ADARB2: variants seen among roughly 807,000 people sequenced by gnomAD.
ADARB2 encodes inactive double-stranded RNA-specific editase B2.
In ADARB2, 25 loss-of-function variants were observed where a neutral mutation model predicts 62.2. That is an observed-to-expected ratio of 0.40 (90% CI 0.29 to 0.56). The LOEUF (loss-of-function observed/expected upper bound fraction) is 0.56, where lower values mean the gene tolerates loss of function less well. ADARB2 is among the 20% of genes least tolerant of loss of function. The pLI is 0.43. For synonymous variants in ADARB2, 572 were observed against 500.8 expected, an observed-to-expected ratio of 1.14 and a Z score of -1.90; for missense variants, 1,071 against 1,077.4, an observed-to-expected ratio of 0.99 and a Z score of 0.08.
chr10:1,363,246 G>C lies in ADARB2; in HGVS notation c.859C>G (p.Arg287Gly). Residue 287 changes from arginine (R) to glycine (G), a missense_variant, in exon 3 of 10, where the codon CGC becomes GGC. Coordinates refer to ENST00000381312, the MANE Select transcript of ADARB2 (RefSeq NM_018702.4). ...RNPVVLLNRL[R>G]AGLRYVCLAE... ...AGACACACGTAGCGCAGCCCGGCGC[G>C]CAGGCGGTTCAGCAGCACCACGGGG... The C allele has an allele frequency of 7.4e-7, 1 of 1,357,936 alleles. No homozygotes were observed. Among genetic ancestry groups the C allele is most frequent in the Non-Finnish European group, 9.5e-7 (1 of 1,051,370 alleles). The allele number at this position is 1,357,936 out of a possible 1,614,324, so 84.1% of individuals were successfully genotyped here. A position where few individuals can be genotyped will look rare whatever the true frequency, so the allele number is the denominator to read the frequency against.
intron 4 of ADARB2, among the ~76,000 whole-genome samples, chr10:1,266,987 A>G (rs1438426741): frequency 2.0e-5 from 3 of 152,176 alleles, no homozygotes; most frequent in East Asian, 1.9e-4. Flanking sequence ...TAAAAGTAAA[A>G]GCAGAAAATT....
chr10:1,495,955 G>A (rs925923027), intron 1 of ADARB2, among the ~76,000 whole-genome samples: 1 of 147,406 alleles, frequency 6.8e-6, no homozygotes, highest in East Asian at 2.1e-4. Flanking sequence ...TCATTATTGT[G>A]ATCATCACCA....
intron 1 of ADARB2, among the ~76,000 whole-genome samples, chr10:1,640,194 C>A (rs780831357): frequency 6.6e-6 from 1 of 152,128 alleles, no homozygotes; most frequent in Non-Finnish European, 1.5e-5. Context: ...GAGATTGTAC[C>A]GTTGTAAAAT....
chr10:1,201,595 A>ATTCCACAGT (rs1458401471), intron 7 of ADARB2, among the ~76,000 whole-genome samples: 8 of 142,442 alleles, frequency 5.6e-5, no homozygotes, highest in South Asian at 2.3e-4. Context: ...CATTCCACAG[A>ATTCCACAGT]GTGTCTGCCT....
At chr10:1,623,444 G>C (rs957613216) in intron 1 of ADARB2, among the ~76,000 whole-genome samples, 1 of 152,194 alleles carries the variant, frequency 6.6e-6, no homozygotes, top group Middle Eastern at 3.2e-3. Context: ...GATTACACTT[G>C]AGTAAGAATA....
chr10:1,601,411 C>T (rs2132014693), intron 1 of ADARB2, among the ~76,000 whole-genome samples: 1 of 152,342 alleles, frequency 6.6e-6, no homozygotes, highest in South Asian at 2.1e-4. Flanking sequence ...AAACGGTTTC[C>T]TGTGCCCTGA....
intron 1 of ADARB2, among the ~76,000 whole-genome samples, chr10:1,538,811 C>A (rs1564322260): frequency 6.6e-6 from 1 of 152,226 alleles, no homozygotes; most frequent in Non-Finnish European, 1.5e-5. Context: ...GCCCATGCCG[C>A]CTGACCCTGG....
At chr10:1,444,312 C>T (rs117492476) in intron 1 of ADARB2, among the ~76,000 whole-genome samples, 20,373 of 72,062 alleles carry the variant, frequency 0.28, 2,034 homozygotes, top group East Asian at 0.4. Context: ...CATCCATCCA[C>T]TCATTCATCC....
intron 1 of ADARB2, among the ~76,000 whole-genome samples, chr10:1,574,148 A>T (rs1832978614): frequency 6.6e-6 from 1 of 152,164 alleles, no homozygotes; most frequent in African/African-American, 2.4e-5. Flanking sequence ...CTCCCAGCTG[A>T]GCCGTCTGCT....
chr10:1,658,252 C>G (rs1173003389), intron 1 of ADARB2, among the ~76,000 whole-genome samples: 1 of 151,824 alleles, frequency 6.6e-6, no homozygotes, highest in African/African-American at 2.4e-5. Context: ...GTATGTCTCT[C>G]TGTCTGATTC....
intron 3 of ADARB2, among the ~76,000 whole-genome samples, chr10:1,348,139 T>A (rs527797545): frequency 1.3e-5 from 2 of 152,238 alleles, no homozygotes; most frequent in South Asian, 2.1e-4. Context: ...AGTGATTTGC[T>A]GAGCACGGGG....
intron 3 of ADARB2, among the ~76,000 whole-genome samples, chr10:1,285,986 G>A (rs944481144): frequency 1.3e-5 from 2 of 152,124 alleles, no homozygotes; most frequent in African/African-American, 2.4e-5. Context: ...AGATTTGCAC[G>A]TGGGTGGGGC....
intron 1 of ADARB2, among the ~76,000 whole-genome samples, chr10:1,707,682 C>A (rs1221654768): frequency 6.6e-6 from 1 of 152,178 alleles, no homozygotes; most frequent in Non-Finnish European, 1.5e-5. Context: ...GGATGCCTTC[C>A]TGGGCTTGGT....
intron 3 of ADARB2, among the ~76,000 whole-genome samples, chr10:1,357,666 G>A (rs1457870786): frequency 1.3e-5 from 2 of 152,144 alleles, no homozygotes; most frequent in Non-Finnish European, 1.5e-5. Flanking sequence ...GGAGCGACAT[G>A]AGCCATCAGG....
intron 2 of ADARB2, among the ~76,000 whole-genome samples, chr10:1,364,856 T>C (rs1250523119): frequency 1.4e-5 from 2 of 146,478 alleles, no homozygotes; most frequent in African/African-American, 5.0e-5. Flanking sequence ...TATGCCTCTG[T>C]GTCACATTTT....
intron 1 of ADARB2, among the ~76,000 whole-genome samples, chr10:1,591,762 C>G (rs1450752283): frequency 6.6e-6 from 1 of 152,158 alleles, no homozygotes; most frequent in Admixed American, 6.5e-5. Flanking sequence ...TGACATGATT[C>G]CACTTATGCC....
chr10:1,646,725 C>A (rs1480622383), intron 1 of ADARB2, among the ~76,000 whole-genome samples: 4 of 152,234 alleles, frequency 2.6e-5, no homozygotes. Context: ...ACAACTCTCT[C>A]CCTTTTTGTT....
At chr10:1,440,199 G>C (rs1830887648) in intron 1 of ADARB2, among the ~76,000 whole-genome samples, 1 of 151,922 alleles carries the variant, frequency 6.6e-6, no homozygotes, top group Non-Finnish European at 1.5e-5. Flanking sequence ...ATGGAGGCAG[G>C]CCCTTCACTA....
At chr10:1,233,556 T>C in intron 6 of ADARB2, 138 bp downstream of exon 6, 1 of 910,312 alleles carries the variant, frequency 1.1e-6, no homozygotes, top group South Asian at 2.8e-5. Context: ...CCACTAATTG[T>C]AGACTCAATC....
Sources: gnomAD v4.1 joint callset for allele counts (sites outside exome capture counted in the v4.1 genomes callset) on GRCh38, gnomAD v4.1.1 for gene constraint, MANE v1.5 for transcripts, NCBI Gene and HGNC (gene_info 2026-07-23, HGNC 2026-07-21) for gene names.